RABL3: variants seen among roughly 807,000 people sequenced by gnomAD.
The protein encoded by RABL3 is RAB, member of RAS oncogene family like 3.
In RABL3, 31 loss-of-function variants were observed where a neutral mutation model predicts 31.8. The observed-to-expected ratio is 0.97, with a 90% CI of 0.73 to 1.31. The LOEUF is 1.31. Among genes scored for constraint, RABL3 ranks in the 40% most tolerant of loss-of-function variants. The pLI is 0.00. For synonymous variants in RABL3, 97 were observed against 99.9 expected (o/e 0.97, Z 0.18); for missense variants, 263 against 279.6 (o/e 0.94, Z 0.42).
intron 2 of RABL3, among the ~76,000 whole-genome samples, chr3:120,726,260 T>C (rs1432307269): frequency 6.6e-6 from 1 of 152,176 alleles, no homozygotes; most frequent in Non-Finnish European, 1.5e-5. Context: ...TATAAGCCTT[T>C]TGATTTCTGT....
chr3:120,703,812 A>C (rs1036508727), intron 4 of RABL3, among the ~76,000 whole-genome samples: 107 of 152,192 alleles, frequency 7.0e-4, no homozygotes, highest in African/African-American at 2.5e-3. Flanking sequence ...AATTTAATGA[A>C]ATAGATGGAA....
At chr3:120,694,735 A>G (rs924654722) in intron 5 of RABL3, among the ~76,000 whole-genome samples, 1 of 152,238 alleles carries the variant, frequency 6.6e-6, no homozygotes, top group East Asian at 1.9e-4. Flanking sequence ...TTCTCTTTAG[A>G]TGCAAGGTAC....
At chr3:120,709,712 G>T in intron 3 of RABL3, 68 bp downstream of exon 3, 1 of 1,165,406 alleles carries the variant, frequency 8.6e-7, no homozygotes, top group Non-Finnish European at 1.2e-6. Context: ...GCATGCTATG[G>T]CATTACATAT....
At position 120,735,250 on chromosome 3, in the gene RABL3, A is replaced by C. The variant is rs538477399; in HGVS notation, c.47-4463T>G. Among the ~76,000 whole-genome samples the C allele has an allele frequency of 7.7e-4, 117 of 152,252 alleles. 1 individual carries two copies. The highest frequency in any genetic ancestry group is 2.7e-3 in the African/African-American group (113 of 41,540). On this transcript the variant is annotated intron_variant, in intron 1 of 7. Coordinates refer to ENST00000273375, the MANE Select transcript of RABL3 (RefSeq NM_173825.5). ...TGTTATTGGTCTATTCAGAGATTCA[A>C]CTTCTTCCTGGTTTAGTCTTGGGAG...
intron 3 of RABL3, 61 bp from the exon 4 acceptor site, chr3:120,706,175 G>T: frequency 1.9e-6 from 2 of 1,059,224 alleles, no homozygotes; most frequent in Non-Finnish European, 2.9e-6. Flanking sequence ...TTCACAATTG[G>T]CCAAATGAAG....
intron 2 of RABL3, among the ~76,000 whole-genome samples, chr3:120,725,327 GAAC>G (rs1384301604): frequency 1.3e-5 from 2 of 152,144 alleles, no homozygotes; most frequent in Non-Finnish European, 2.9e-5. Context: ...GGAGAAATAG[GAAC>G]ACTTCTACAC....
At position 120,727,416 on chromosome 3, in the gene RABL3, A is replaced by G. The variant is rs112136378; in HGVS notation, c.138+3280T>C. Among the ~76,000 whole-genome samples, 395 of 152,310 alleles carry G rather than the reference A, an allele frequency of 2.6e-3. 1 individual carries two copies. Among genetic ancestry groups the G allele is most frequent in the Non-Finnish European group, 4.0e-3 (274 of 68,020 alleles). On this transcript the variant is annotated intron_variant, in intron 2 of 7. Transcript: ENST00000273375. Reference sequence around the variant, plus strand: ...ATAAACTACCAAAATTGACACAAGAAGGAATATAGTTATTTTATTATTTTC... The same window carrying G: ...ATAAACTACCAAAATTGACACAAGAGGGAATATAGTTATTTTATTATTTTC...
At chr3:120,721,634 T>C (rs1200840212) in intron 2 of RABL3, among the ~76,000 whole-genome samples, 1 of 152,200 alleles carries the variant, frequency 6.6e-6, no homozygotes, top group Non-Finnish European at 1.5e-5. Flanking sequence ...CTAACTATCC[T>C]AAACATATAT....
chr3:120,698,388 T>C (rs1559812192), intron 5 of RABL3, 35 bp downstream of exon 5: 1 of 1,574,916 alleles, frequency 6.3e-7, no homozygotes, highest in Non-Finnish European at 8.7e-7. Flanking sequence ...CTTTACCCGA[T>C]AATAATACAA....
upstream of RABL3, chr3:120,742,568 G>C: frequency 6.5e-7 from 1 of 1,540,902 alleles, no homozygotes; most frequent in Non-Finnish European, 9.0e-7. Flanking sequence ...TCAGAGTTGG[G>C]CATGGAGGGC....
chr3:120,719,597 C>T (rs1306736702), intron 2 of RABL3, among the ~76,000 whole-genome samples: 1 of 152,220 alleles, frequency 6.6e-6, no homozygotes, highest in South Asian at 2.1e-4. Context: ...AAGCCTCGCT[C>T]ATTGCTAGCA....
intron 6 of RABL3, among the ~76,000 whole-genome samples, chr3:120,693,750 T>C (rs746128817): frequency 6.6e-6 from 1 of 152,174 alleles, no homozygotes; most frequent in African/African-American, 2.4e-5. Flanking sequence ...GTAACATTTA[T>C]GTAGAGAATA....
rs1331097425 is a variant in RABL3, at chr3:120,716,286, C to A, written c.139-6377G>T. ...TTTACTCCCATTAGACTTGGGACAG[C>A]AAAGTTAAAGACAGGAATGAATGAA... On this transcript the variant is annotated intron_variant, in intron 2 of 7. Transcript: ENST00000273375. Among the ~76,000 whole-genome samples, 3 of 152,136 alleles carry A rather than the reference C, an allele frequency of 2.0e-5. No individual in the cohort carries two copies. In the East Asian group the frequency reaches 5.8e-4, roughly 29 times the overall value.
rs758819619 is a variant in RABL3 at position 120,742,502 on chromosome 3, C to A, written c.6G>T (p.Ala2=). 3 of 1,614,068 alleles carry A rather than the reference C, an allele frequency of 1.9e-6. No individual in the cohort carries two copies. The African/African-American group carries it at 4.0e-5, about 22-fold the overall frequency. M[A]SLDRVKVLVL... ...CCAGTACCTTCACCCGATCCAGGGACGCCATCTTGCCACTGCCTTCCCTGG... is the reference window on the plus strand; with the variant it reads ...CCAGTACCTTCACCCGATCCAGGGAAGCCATCTTGCCACTGCCTTCCCTGG... The change falls in exon 1 of 8, where the codon GCG becomes GCT. Residue 2 remains alanine, a synonymous_variant. Coordinates refer to ENST00000273375, the MANE Select transcript of RABL3 (RefSeq NM_173825.5).
chr3:120,716,929 T>C (rs558934269), intron 2 of RABL3, among the ~76,000 whole-genome samples: 2 of 152,290 alleles, frequency 1.3e-5, no homozygotes, highest in Admixed American at 1.3e-4. Context: ...TTTACTTATG[T>C]TATCACTCAC....
chr3:120,737,159 C>G (rs375997704), intron 1 of RABL3, among the ~76,000 whole-genome samples: 1 of 152,210 alleles, frequency 6.6e-6, no homozygotes, highest in African/African-American at 2.4e-5. Context: ...CTTTCAGGTA[C>G]ACCAATCAGA....
At chr3:120,741,291 A>C (rs1224571731) in intron 1 of RABL3, among the ~76,000 whole-genome samples, 1 of 152,258 alleles carries the variant, frequency 6.6e-6, no homozygotes. Flanking sequence ...TTAAGTTTCA[A>C]AAGGCAACTT....
At position 120,686,679 on chromosome 3, in the gene RABL3, G is replaced by T. The variant is rs899813608; in HGVS notation, c.*3144C>A. ...AATGAGGCACCTATAACGAAAGACA[G>T]ATTATTGAGAAAAGCACACACATTT... On this transcript the variant is annotated 3_prime_UTR_variant, in exon 8 of 8. Transcript: ENST00000273375. 2 of 152,196 alleles carry T rather than the reference G, an allele frequency of 1.3e-5. No homozygotes were observed. The highest frequency in any genetic ancestry group is 2.4e-5 in the African/African-American group (1 of 41,452). The allele number at this position is 152,196 out of a possible 1,614,324, so 9.4% of individuals were successfully genotyped here. A position where few individuals can be genotyped will look rare whatever the true frequency, so the allele number is the denominator to read the frequency against.
chr3:120,736,510 T>C (rs1032276871), intron 1 of RABL3, among the ~76,000 whole-genome samples: 36 of 152,248 alleles, frequency 2.4e-4, no homozygotes, highest in African/African-American at 7.7e-4. Flanking sequence ...TGTCTTTTAA[T>C]TGGAGCATTT....
Sources: allele counts gnomAD v4.1 joint callset (sites outside exome capture counted in the v4.1 genomes callset), GRCh38; gene constraint gnomAD v4.1.1; transcripts MANE v1.5; gene names NCBI Gene and HGNC (gene_info 2026-07-23, HGNC 2026-07-21).